The following SLIT3 variants were observed in gnomAD, a reference collection of about 807,000 sequenced individuals.
The protein encoded by SLIT3 is slit guidance ligand 3.
A neutral mutation model predicts 184.0 loss-of-function variants in SLIT3; 68 were observed. That is an observed-to-expected ratio of 0.37 (90% CI 0.30 to 0.45). SLIT3 has a LOEUF of 0.45. Ranked by LOEUF, SLIT3 falls within the 20% of genes least tolerant of loss-of-function variation. The probability of loss-of-function intolerance (pLI) is 1.00; values close to 1 mark genes in which losing one functional copy is unlikely to be tolerated. For missense variants in SLIT3, 1,707 were observed against 2,026.0 expected (o/e 0.84, Z 3.02); for synonymous variants, 831 against 828.6 (o/e 1.00, Z -0.05).
At chr5:168,968,023 T>C (rs1162854729) in intron 4 of SLIT3, among the ~76,000 whole-genome samples, 1 of 152,156 alleles carries the variant, frequency 6.6e-6, no homozygotes, top group African/African-American at 2.4e-5. Flanking sequence ...TCCTCATGGC[T>C]CTCCCCAGGC....
intron 12 of SLIT3, among the ~76,000 whole-genome samples, chr5:168,781,921 T>A (rs1755986515): frequency 6.6e-6 from 1 of 152,214 alleles, no homozygotes; most frequent in Non-Finnish European, 1.5e-5. Flanking sequence ...AAAATGGGCC[T>A]TTCCACAACA....
intron 6 of SLIT3, among the ~76,000 whole-genome samples, chr5:168,836,012 A>G (rs1406241402): frequency 6.6e-6 from 1 of 152,158 alleles, no homozygotes; most frequent in Non-Finnish European, 1.5e-5. Flanking sequence ...AGGGAAAAGT[A>G]GCAATGTTGA....
intron 5 of SLIT3, among the ~76,000 whole-genome samples, chr5:168,859,053 C>G (rs2113744011): frequency 6.6e-6 from 1 of 152,328 alleles, no homozygotes; most frequent in South Asian, 2.1e-4. Context: ...CTGAACCCAC[C>G]TGATCAGAAA....
At chr5:168,985,387 G>A (rs775518811) in intron 4 of SLIT3, among the ~76,000 whole-genome samples, 1 of 152,154 alleles carries the variant, frequency 6.6e-6, no homozygotes. Context: ...CTGAACTGCC[G>A]TGGAGCAAAC....
At chr5:168,929,880 T>G (rs1367018622) in intron 4 of SLIT3, among the ~76,000 whole-genome samples, 1 of 152,174 alleles carries the variant, frequency 6.6e-6, no homozygotes, top group Non-Finnish European at 1.5e-5. Context: ...TTCCCCAAAG[T>G]CAGGCTCCAG....
At chr5:168,771,634 C>T (rs747927777) in intron 14 of SLIT3, among the ~76,000 whole-genome samples, 11 of 152,274 alleles carry the variant, frequency 7.2e-5, no homozygotes, top group East Asian at 3.9e-4. Flanking sequence ...GAAGGGAAGT[C>T]GGTACCAACT....
chr5:168,671,548 C>T (rs990023053), intron 33 of SLIT3, 65 bp from the exon 34 acceptor site: 55 of 1,506,836 alleles, frequency 3.7e-5, no homozygotes, highest in African/African-American at 9.6e-5. Context: ...GTCCTCAGAG[C>T]GAAAAAGCAC....
At chr5:169,191,324 C>T (rs998643666) in intron 4 of SLIT3, among the ~76,000 whole-genome samples, 2 of 152,158 alleles carry the variant, frequency 1.3e-5, no homozygotes, top group Admixed American at 1.3e-4. Context: ...GAGATGGATA[C>T]CAAAATGAGT....
At chr5:168,718,223 G>A (rs1762810944) in intron 23 of SLIT3, 1 of 146,184 alleles carries the variant, frequency 6.8e-6, no homozygotes, top group Non-Finnish European at 1.5e-5. Context: ...AGGTAATCAA[G>A]CAAAGGGCTC....
rs1763648692 is a variant in SLIT3 at position 169,193,757 on chromosome 5, T to C, written c.342-207A>G. Among the ~76,000 whole-genome samples, 3 of 152,114 alleles carry C rather than the reference T, an allele frequency of 2.0e-5. No individual in the cohort carries two copies. The South Asian group carries it at 6.2e-4, about 32-fold the overall frequency. On this transcript the variant is annotated intron_variant, in intron 3 of 35. Transcript: ENST00000519560. ...GTTGGGAATGCAAAGCAAAGGTCAG[T>C]CAAAAGTAAAAATACAGCACATGCG...
In SLIT3 at chr5:168,684,235, A is replaced by T; in HGVS notation, c.3556-139T>A. Reference sequence around the variant, plus strand: ...AATTCATGTCCATCTTTCCTCCTCCATCTAGTCAGTAAATCCCCAGAAGGT... The same window carrying T: ...AATTCATGTCCATCTTTCCTCCTCCTTCTAGTCAGTAAATCCCCAGAAGGT... On this transcript the variant is annotated intron_variant, in intron 31 of 35. Transcript: ENST00000519560. 5 of 895,190 alleles carry T rather than the reference A, an allele frequency of 5.6e-6. No individual in the cohort carries two copies. The South Asian group carries it at 9.7e-5, about 17-fold the overall frequency. 55.5% of individuals were successfully genotyped at this position (895,190 alleles called of 1,614,324 possible).
chr5:168,879,646 G>A (rs1759877666), intron 5 of SLIT3, among the ~76,000 whole-genome samples: 1 of 152,186 alleles, frequency 6.6e-6, no homozygotes, highest in Non-Finnish European at 1.5e-5. Context: ...CTGAGGACCA[G>A]AGACATAGCG....
At chr5:169,227,261 C>G (rs1764845000) in intron 3 of SLIT3, among the ~76,000 whole-genome samples, 1 of 152,194 alleles carries the variant, frequency 6.6e-6, no homozygotes, top group African/African-American at 2.4e-5. Flanking sequence ...CTAAATTACG[C>G]CACTTAAATC....
At position 168,773,906 on chromosome 5, in the gene SLIT3, T is replaced by C. The variant is rs574478855; in HGVS notation, c.1295+329A>G. 6.2e-4 allele frequency among the ~76,000 whole-genome samples: 95 copies of C among 152,286 alleles called. No homozygotes were observed. In the South Asian group the frequency reaches 0.015, roughly 24 times the overall value. On this transcript the variant is annotated intron_variant, in intron 13 of 35. Coordinates refer to ENST00000519560, the MANE Select transcript of SLIT3 (RefSeq NM_003062.4). ...TCTGCCTGGATTCAAAACCTGCTCC[T>C]TACTAGCTGTGTGACCCTGAGGAAG... is the stretch of plus-strand genomic sequence containing the variant.
chr5:169,130,328 A>T (rs1019807688), intron 4 of SLIT3, among the ~76,000 whole-genome samples: 13 of 152,348 alleles, frequency 8.5e-5, no homozygotes, highest in Admixed American at 5.2e-4. Context: ...AATTAGGAAG[A>T]TAAGGAATGG....
chr5:168,854,166 C>T (rs1281663977), intron 5 of SLIT3, among the ~76,000 whole-genome samples: 1 of 152,148 alleles, frequency 6.6e-6, no homozygotes, highest in Non-Finnish European at 1.5e-5. Flanking sequence ...GGCTATTCCA[C>T]CTTTCTCTGA....
intron 4 of SLIT3, among the ~76,000 whole-genome samples, chr5:168,896,760 A>G (rs1177308254): frequency 8.5e-5 from 13 of 152,194 alleles, no homozygotes; most frequent in Non-Finnish European, 1.5e-5. Context: ...TCCCACAAAG[A>G]GAAGGGAAAA....
rs777184258 is a variant in SLIT3, at chr5:168,669,785, T to C, written c.4334A>G (p.Gln1445Arg). Reference sequence around the variant, plus strand: ...TCCCACAGGCACAGTAGACCCACCTTGTTGGCAGTGCTCGCCGCTAAAGCC... The same window carrying C: ...TCCCACAGGCACAGTAGACCCACCTCGTTGGCAGTGCTCGCCGCTAAAGCC... ...QPGFSGEHCQ[Q>R]ENPCLGQVVR... is the part of the protein sequence containing the mutation. Residue 1445 changes from glutamine to arginine, a missense_variant and splice_region_variant, in exon 35 of 36, where the codon CAA becomes CGA. Gln to Arg is a conservative substitution (Grantham distance 43). Around this residue, in one of 3 missense-constraint regions of SLIT3, gnomAD observed 387 missense variants for 477.9 expected, o/e 0.81. Transcript: ENST00000519560. 1 of 1,613,152 alleles carries C rather than the reference T, an allele frequency of 6.2e-7. No individual in the cohort carries two copies. The highest frequency in any genetic ancestry group is 8.5e-7 in the Non-Finnish European group (1 of 1,179,862).
At chr5:169,168,259 A>G (rs1452969498) in intron 4 of SLIT3, among the ~76,000 whole-genome samples, 2 of 152,248 alleles carry the variant, frequency 1.3e-5, no homozygotes, top group Admixed American at 1.3e-4. Context: ...ACTGTGATTT[A>G]GTATTATATC....
Sources: gnomAD v4.1 joint callset for allele counts (sites outside exome capture counted in the v4.1 genomes callset) on GRCh38, gnomAD v4.1.1 for gene constraint, gnomAD v4.1.1 regional missense constraint, MANE v1.5 for transcripts, NCBI Gene and HGNC (gene_info 2026-07-23, HGNC 2026-07-21) for gene names.